The following MAPKAP1 variants were observed in gnomAD, a reference collection of about 807,000 sequenced individuals.
MAPKAP1 encodes the protein MAPK associated protein 1.
A neutral mutation model predicts 65.7 loss-of-function variants in MAPKAP1; 20 were observed. The ratio of observed to expected loss-of-function variants is 0.30; its 90% CI spans 0.21 to 0.44. The LOEUF (loss-of-function observed/expected upper bound fraction) is 0.44, where lower values mean the gene tolerates loss of function less well. Ranked by LOEUF, MAPKAP1 falls within the 20% of genes least tolerant of loss-of-function variation. MAPKAP1 has a pLI of 1.00. For missense variants in MAPKAP1, 423 were observed against 648.0 expected (o/e 0.65, Z 3.77); for synonymous variants, 222 against 244.3 (o/e 0.91, Z 0.85).
At chr9:125,598,046 T>C (rs762674791) in intron 4 of MAPKAP1, among the ~76,000 whole-genome samples, 7 of 150,024 alleles carry the variant, frequency 4.7e-5, no homozygotes, top group South Asian at 4.2e-4. Flanking sequence ...TTACGGGCTA[T>C]GGGAAGTAAA....
At chr9:125,506,445 G>A (rs1829145495) in intron 7 of MAPKAP1, 28 bp from the exon 8 acceptor site, 1 of 1,581,120 alleles carries the variant, frequency 6.3e-7, no homozygotes, top group African/African-American at 1.3e-5. Flanking sequence ...CAGGAGGAGG[G>A]GAGGAAGTCT....
At chr9:125,576,053 T>C (rs76143644) in intron 5 of MAPKAP1, among the ~76,000 whole-genome samples, 3,139 of 152,328 alleles carry the variant, frequency 0.021, 36 homozygotes, top group South Asian at 0.041. Context: ...CTTAAATGCA[T>C]ACTGCTAAGT....
chr9:125,494,043 G>A (rs1854840043), intron 8 of MAPKAP1, among the ~76,000 whole-genome samples: 1 of 152,196 alleles, frequency 6.6e-6, no homozygotes, highest in Non-Finnish European at 1.5e-5. Context: ...CCATGCCAGA[G>A]CAAAGGAATC....
At chr9:125,634,636 C>A (rs1176676204) in intron 4 of MAPKAP1, among the ~76,000 whole-genome samples, 2 of 152,176 alleles carry the variant, frequency 1.3e-5, no homozygotes, top group Admixed American at 6.5e-5. Flanking sequence ...AACCCATTTT[C>A]TGTGGGCAAA....
chr9:125,554,921 C>G (rs780797536), intron 6 of MAPKAP1, among the ~76,000 whole-genome samples: 5 of 150,566 alleles, frequency 3.3e-5, no homozygotes, highest in Admixed American at 1.3e-4. Context: ...TAAAAATACA[C>G]TGTTTAAAAG....
At chr9:125,695,077 A>T (rs1020985732) in intron 1 of MAPKAP1, among the ~76,000 whole-genome samples, 1 of 152,260 alleles carries the variant, frequency 6.6e-6, no homozygotes, top group Non-Finnish European at 1.5e-5. Flanking sequence ...ACAATAATAC[A>T]AGTTATACCA....
chr9:125,563,043 A>T (rs1830938981), intron 5 of MAPKAP1, among the ~76,000 whole-genome samples: 1 of 152,202 alleles, frequency 6.6e-6, no homozygotes, highest in African/African-American at 2.4e-5. Flanking sequence ...GATTTAGTTC[A>T]ACCTCCTTGC....
At chr9:125,492,035 TAAA>T (rs33954490) in intron 8 of MAPKAP1, among the ~76,000 whole-genome samples, 1 of 125,402 alleles carries the variant, frequency 8.0e-6, no homozygotes, top group Non-Finnish European at 1.7e-5. Context: ...TACTGAAAGT[TAAA>T]AAAAAAAAAA....
intron 8 of MAPKAP1, among the ~76,000 whole-genome samples, chr9:125,496,095 T>C (rs144105735): frequency 9.2e-5 from 14 of 152,304 alleles, no homozygotes; most frequent in African/African-American, 2.6e-4. Context: ...CCATCACATT[T>C]TGCAGCAGGG....
chr9:125,546,209 T>C (rs749181186), intron 6 of MAPKAP1, among the ~76,000 whole-genome samples: 2 of 152,082 alleles, frequency 1.3e-5, no homozygotes, highest in Non-Finnish European at 2.9e-5. Context: ...GTGTGCAGTA[T>C]CTTACTCTGG....
At chr9:125,672,701 AT>A in intron 1 of MAPKAP1, 58 bp from the exon 2 acceptor site, 2 of 1,085,666 alleles carry the variant, frequency 1.8e-6, no homozygotes, top group Non-Finnish European at 2.7e-6. Flanking sequence ...TGACTGAATC[AT>A]TTTTCAGACA....
At chr9:125,622,447 T>A (rs1832933800) in intron 4 of MAPKAP1, among the ~76,000 whole-genome samples, 1 of 152,088 alleles carries the variant, frequency 6.6e-6, no homozygotes, top group Non-Finnish European at 1.5e-5. Context: ...ATTTTATATT[T>A]TATTTTATTT....
At chr9:125,468,625 A>G (rs1853774930) in intron 9 of MAPKAP1, among the ~76,000 whole-genome samples, 1 of 152,206 alleles carries the variant, frequency 6.6e-6, no homozygotes, top group Non-Finnish European at 1.5e-5. Context: ...AAAGAATAAA[A>G]TAACTCTTCC....
chr9:125,616,517 T>C (rs1161778404), intron 4 of MAPKAP1, among the ~76,000 whole-genome samples: 1 of 151,988 alleles, frequency 6.6e-6, no homozygotes, highest in Admixed American at 6.5e-5. Context: ...CAGGAAGAAA[T>C]TGATTAAAAT....
chr9:125,618,018 T>A (rs911739763), intron 4 of MAPKAP1, among the ~76,000 whole-genome samples: 1 of 152,126 alleles, frequency 6.6e-6, no homozygotes, highest in Non-Finnish European at 1.5e-5. Context: ...ATTTCTCTAA[T>A]TCACTCATGA....
chr9:125,676,682 TGGA>T (rs1834655607), intron 1 of MAPKAP1, among the ~76,000 whole-genome samples: 2 of 152,202 alleles, frequency 1.3e-5, no homozygotes, highest in Non-Finnish European at 2.9e-5. Context: ...GTTATGGAAA[TGGA>T]CAGTGGTGAC....
At chr9:125,705,596 C>T (rs1204831852) in intron 1 of MAPKAP1, among the ~76,000 whole-genome samples, 1 of 152,120 alleles carries the variant, frequency 6.6e-6, no homozygotes, top group African/African-American at 2.4e-5. Flanking sequence ...TCTCTAATTG[C>T]CTAGCATGGT....
chr9:125,522,286 A>G (rs1204550580), intron 7 of MAPKAP1, among the ~76,000 whole-genome samples: 1 of 152,188 alleles, frequency 6.6e-6, no homozygotes, highest in Admixed American at 6.5e-5. Flanking sequence ...TAAACTTATC[A>G]TCCTTCCATT....
chr9:125,507,946 G>C (rs983393156), intron 7 of MAPKAP1, among the ~76,000 whole-genome samples: 1 of 152,076 alleles, frequency 6.6e-6, no homozygotes, highest in Non-Finnish European at 1.5e-5. Context: ...ACTTCGGGGG[G>C]ACCAATTGAA....
Sources: allele counts gnomAD v4.1 joint callset (sites outside exome capture counted in the v4.1 genomes callset), GRCh38; gene constraint gnomAD v4.1.1; transcripts MANE v1.5; gene names NCBI Gene and HGNC (gene_info 2026-07-23, HGNC 2026-07-21).